ZNF443: variants seen among roughly 807,000 people sequenced by gnomAD.
The protein encoded by ZNF443 is Kruppel-type zinc finger (C2H2).
A neutral mutation model predicts 12.0 loss-of-function variants in ZNF443; 3 were observed. The ratio of observed to expected loss-of-function variants is 0.25; its 90% CI spans 0.11 to 0.64. ZNF443 has a LOEUF of 0.64. ZNF443 is among the 30% of genes least tolerant of loss of function. ZNF443 has a pLI of 0.84. For synonymous variants in ZNF443, 225 were observed against 265.9 expected (o/e 0.85, Z 1.50); for missense variants, 770 against 808.8 (o/e 0.95, Z 0.58).
intron 1 of ZNF443, among the ~76,000 whole-genome samples, chr19:12,438,514 C>A (rs915721553): frequency 6.6e-6 from 1 of 152,136 alleles, no homozygotes; most frequent in African/African-American, 2.4e-5. Context: ...AAAATCTCCA[C>A]CCTTTTAAAA....
chr19:12,440,809 T>C, intron 1 of ZNF443, 103 bp downstream of exon 1: 1 of 1,593,924 alleles, frequency 6.3e-7, no homozygotes, highest in African/African-American at 1.3e-5. Flanking sequence ...GGTCCGTAGA[T>C]CCCGAAGTCG....
intron 1 of ZNF443, among the ~76,000 whole-genome samples, chr19:12,437,499 T>G (rs1338123735): frequency 5.4e-5 from 8 of 147,076 alleles, no homozygotes; most frequent in Non-Finnish European, 1.1e-4. Flanking sequence ...TCAGTTAAAA[T>G]AAAAGGAGAC....
chr19:12,432,705 G>C (rs1272057195), intron 2 of ZNF443, among the ~76,000 whole-genome samples: 1 of 136,180 alleles, frequency 7.3e-6, no homozygotes, highest in African/African-American at 2.9e-5. Context: ...AAACCTTTCC[G>C]AGGATGCACT....
intron 1 of ZNF443, among the ~76,000 whole-genome samples, chr19:12,440,330 T>A (rs1019970240): frequency 5.7e-4 from 87 of 152,164 alleles, no homozygotes; most frequent in Non-Finnish European, 1.1e-3. Flanking sequence ...GATCTCCGAG[T>A]GCTGCTCAAG....
chr19:12,431,174 G>A lies in ZNF443; in HGVS notation c.998C>T (p.Ala333Val), dbSNP rs1970248878. Residue 333 changes from alanine (A) to valine (V), a missense_variant, in exon 4 of 4, where the codon GCA becomes GTA. Transcript: ENST00000301547. ...SLQRHETTHS[A>V]EKPYACQQCG... ...TTGCTGACATGCATAGGGTTTCTCT[G>A]CACTGTGAGTGGTTTCATGTCTTTG... 6.2e-7 allele frequency: 1 copy of A among 1,613,706 alleles called. No individual in the cohort carries two copies. The highest frequency in any genetic ancestry group is 8.5e-7 in the Non-Finnish European group (1 of 1,179,882).
intron 1 of ZNF443, 157 bp from the exon 2 acceptor site, chr19:12,433,354 C>G: frequency 1.0e-6 from 1 of 985,360 alleles, no homozygotes; most frequent in Non-Finnish European, 1.2e-6. Context: ...CTCACTTTCT[C>G]CTACACAGTA....
Position 12,431,431 on chromosome 19 carries a change from A to G in ZNF443, c.741T>C (p.His247=). The change falls in exon 4 of 4, where the codon CAT becomes CAC. Residue 247 remains histidine (H), a synonymous_variant. Coordinates refer to ENST00000301547, the MANE Select transcript of ZNF443 (RefSeq NM_005815.5). ...TACATTCATACGGTTTCTCCCCAGTATGTGTTCTTTCATGTCTTAGATAGG... is the reference window on the plus strand; with the variant it reads ...TACATTCATACGGTTTCTCCCCAGTGTGTGTTCTTTCATGTCTTAGATAGG... The part of the protein sequence containing the change: ...YSSYLRHERT[H]TGEKPYECKQ... 2 of 1,613,800 alleles carry G rather than the reference A, an allele frequency of 1.2e-6. No homozygotes were observed. Among genetic ancestry groups the G allele is most frequent in the Non-Finnish European group, 1.7e-6 (2 of 1,179,898 alleles).
In ZNF443 at chr19:12,430,899, C is replaced by T. The variant is rs557191113; in HGVS notation, c.1273G>A (p.Val425Ile). 1.3e-5 allele frequency: 21 copies of T among 1,613,696 alleles called. No individual in the cohort carries two copies. In the Admixed American group the frequency reaches 1.3e-4, roughly 10 times the overall value. ...HTGDGPHKCK[V>I]CGKAFVYPSV... is the part of the protein sequence containing the mutation. ...GGATAAACAAAGGCTTTCCCACATA[C>T]CTTGCATTTATGAGGTCCATCTCCA... The change falls in exon 4 of 4, where the codon GTA becomes ATA. Residue 425 changes from valine (V) to isoleucine (I), a missense_variant. Val to Ile is a conservative substitution (Grantham distance 29, BLOSUM62 3). This residue lies in a region of ZNF443 where 736 missense variants were observed against 689.4 expected (regional missense o/e 1.07). Coordinates refer to ENST00000301547, the MANE Select transcript of ZNF443 (RefSeq NM_005815.5).
In ZNF443 at chr19:12,430,053, G is replaced by A. The variant is rs903765819; in HGVS notation, c.*103C>T. The A allele has an allele frequency of 3.2e-6, 5 of 1,583,750 alleles. No homozygotes were observed. Among genetic ancestry groups the A allele is most frequent in the African/African-American group, 2.7e-5 (2 of 73,888 alleles). The stretch of plus-strand genomic sequence containing the variant: ...GAAACTACTTAAGGCTTTACCAAGT[G>A]CTTACATTCACAGGGTCTATCTCCA... On this transcript the variant is annotated 3_prime_UTR_variant, in exon 4 of 4. Transcript: ENST00000301547.
intron 1 of ZNF443, among the ~76,000 whole-genome samples, chr19:12,434,237 T>C (rs1441200446): frequency 1.3e-5 from 2 of 152,230 alleles, no homozygotes; most frequent in Non-Finnish European, 2.9e-5. Context: ...ATGAGCTTTC[T>C]GGGTAGATAA....
At chr19:12,439,514 T>C (rs1970344487) in intron 1 of ZNF443, among the ~76,000 whole-genome samples, 1 of 151,774 alleles carries the variant, frequency 6.6e-6, no homozygotes, top group South Asian at 2.1e-4. Flanking sequence ...TGAGACAGGG[T>C]CGGCCTCTGT....
chr19:12,433,475 AT>A (rs1970278981), intron 1 of ZNF443, among the ~76,000 whole-genome samples: 1 of 152,196 alleles, frequency 6.6e-6, no homozygotes, highest in African/African-American at 2.4e-5. Context: ...CCTAATGTCG[AT>A]TTCCACAGTG....
intron 1 of ZNF443, among the ~76,000 whole-genome samples, chr19:12,438,768 A>G (rs764936589): frequency 2.6e-5 from 4 of 152,054 alleles, no homozygotes; most frequent in African/African-American, 9.7e-5. Flanking sequence ...GGAATAGAAG[A>G]TTACATATAC....
At position 12,429,877 on chromosome 19, in the gene ZNF443, A is replaced by G; in HGVS notation, c.*279T>C. 1 of 542,592 alleles carries G rather than the reference A, an allele frequency of 1.8e-6. No homozygotes were observed. The highest frequency in any genetic ancestry group is 3.2e-6 in the Non-Finnish European group (1 of 310,034). 33.6% of individuals were successfully genotyped at this position (542,592 alleles called of 1,614,324 possible). Reference sequence around the variant, plus strand: ...GCTTTTATAATGCATGAGGTATTTTAAGTAATCTAGACATAATTGAGACTA... The same window carrying G: ...GCTTTTATAATGCATGAGGTATTTTGAGTAATCTAGACATAATTGAGACTA... On this transcript the variant is annotated 3_prime_UTR_variant, in exon 4 of 4. Transcript: ENST00000301547.
At chr19:12,434,510 A>G (rs188234301) in intron 1 of ZNF443, among the ~76,000 whole-genome samples, 1 of 152,324 alleles carries the variant, frequency 6.6e-6, no homozygotes, top group East Asian at 1.9e-4. Context: ...TCTCTCATGA[A>G]TATTTATAAT....
At chr19:12,434,155 G>C (rs567145907) in intron 1 of ZNF443, among the ~76,000 whole-genome samples, 5 of 152,166 alleles carry the variant, frequency 3.3e-5, no homozygotes, top group Non-Finnish European at 7.4e-5. Flanking sequence ...CCGAGGTTCA[G>C]TAATTCTGTT....
intron 2 of ZNF443, among the ~76,000 whole-genome samples, chr19:12,432,821 G>A (rs1427172034): frequency 3.4e-5 from 5 of 147,404 alleles, no homozygotes; most frequent in Non-Finnish European, 7.5e-5. Context: ...GTAATAATAC[G>A]ACATAAAATA....
rs762790529 is a variant in ZNF443, at chr19:12,431,614, T to C, written c.558A>G (p.Arg186=). Residue 186 remains arginine, a synonymous_variant, in exon 4 of 4, where the codon AGA becomes AGG. Transcript: ENST00000301547. The stretch of plus-strand genomic sequence containing the variant: ...CATCTCCACGCTGCACTGCCATGTG[T>C]CTTTGAAGGTTTCCCAAAGAACTGA... ...KSFSSLGNLQ[R]HMAVQRGDGP... The C allele has an allele frequency of 1.2e-6, 2 of 1,614,178 alleles. No individual in the cohort carries two copies. The highest frequency in any genetic ancestry group is 2.2e-5 in the South Asian group (2 of 91,070).
chr19:12,435,622 T>A (rs1970301377), intron 1 of ZNF443, among the ~76,000 whole-genome samples: 1 of 151,982 alleles, frequency 6.6e-6, no homozygotes, highest in Admixed American at 6.6e-5. Context: ...AAAGCATAAG[T>A]AGAGTATTAA....
Sources: allele counts gnomAD v4.1 joint callset (sites outside exome capture counted in the v4.1 genomes callset), GRCh38; gene constraint gnomAD v4.1.1; regional missense constraint gnomAD v4.1.1; transcripts MANE v1.5; gene names NCBI Gene and HGNC (gene_info 2026-07-23, HGNC 2026-07-21).